RALGPS2: variants seen among roughly 807,000 people sequenced by gnomAD.
RALGPS2 encodes Ral GEF with PH domain and SH3 binding motif 2.
RALGPS2 carries 43 observed loss-of-function variants against 86.8 expected under a neutral mutation model. That is an observed-to-expected ratio of 0.50 (90% CI 0.39 to 0.64). The LOEUF (loss-of-function observed/expected upper bound fraction) is 0.64. Ranked by LOEUF, RALGPS2 falls within the 30% of genes least tolerant of loss-of-function variation. RALGPS2 has a pLI of 0.00. For missense variants in RALGPS2, 536 were observed against 694.6 expected (o/e 0.77, Z 2.57); for synonymous variants, 243 against 231.3 (o/e 1.05, Z -0.46).
intron 19 of RALGPS2, among the ~76,000 whole-genome samples, chr1:178,913,988 C>T (rs1660719555): frequency 6.6e-6 from 1 of 152,198 alleles, no homozygotes; most frequent in Non-Finnish European, 1.5e-5. Context: ...ACTATGGTGA[C>T]AGTCGCCCGC....
intron 8 of RALGPS2, among the ~76,000 whole-genome samples, chr1:178,839,861 T>G (rs936119413): frequency 3.9e-5 from 6 of 152,104 alleles, no homozygotes; most frequent in Non-Finnish European, 7.4e-5. Flanking sequence ...GCGATCCTAG[T>G]CTCTGATAAA....
chr1:178,847,509 C>T (rs892233456), intron 8 of RALGPS2, among the ~76,000 whole-genome samples: 1 of 151,082 alleles, frequency 6.6e-6, no homozygotes, highest in Non-Finnish European at 1.5e-5. Flanking sequence ...TTTTTCAGGG[C>T]GAGGTCATAG....
chr1:178,793,328 A>G (rs1167189562), intron 4 of RALGPS2, among the ~76,000 whole-genome samples: 1 of 151,556 alleles, frequency 6.6e-6, no homozygotes, highest in Admixed American at 6.6e-5. Flanking sequence ...GAAGTGGGTA[A>G]TTTCAGAGTT....
chr1:178,801,252 T>C (rs1213569905), intron 4 of RALGPS2, among the ~76,000 whole-genome samples: 5 of 152,056 alleles, frequency 3.3e-5, no homozygotes, highest in Non-Finnish European at 7.4e-5. Flanking sequence ...TGTGCATATG[T>C]GGGTCTCTTT....
intron 4 of RALGPS2, among the ~76,000 whole-genome samples, chr1:178,801,288 A>G (rs1325310437): frequency 6.6e-6 from 1 of 152,076 alleles, no homozygotes; most frequent in African/African-American, 2.4e-5. Context: ...AAGGTAGCCA[A>G]TAGCTATACT....
chr1:178,812,956 G>A (rs1424643419), intron 6 of RALGPS2, among the ~76,000 whole-genome samples: 3 of 143,152 alleles, frequency 2.1e-5, no homozygotes, highest in African/African-American at 8.0e-5. Flanking sequence ...TTTTGGAGGT[G>A]GTGTTGCGCT....
chr1:178,920,877 C>T lies in RALGPS2; in HGVS notation c.*4518C>T, dbSNP rs1377382114. The stretch of plus-strand genomic sequence containing the variant: ...TTTATTTTTACATTTAAGTAACACT[C>T]AAAACAAACAAGTAGTCACTTAACC... On this transcript the variant is annotated 3_prime_UTR_variant, in exon 20 of 20. Transcript: ENST00000367635. The T allele has an allele frequency of 1.3e-5, 2 of 151,854 alleles. No individual in the cohort carries two copies. The highest frequency in any genetic ancestry group is 2.4e-5 in the African/African-American group (1 of 41,378). The allele number at this position is 151,854 out of a possible 1,614,324, so 9.4% of individuals were successfully genotyped here.
intron 8 of RALGPS2, chr1:178,853,588 A>G: frequency 1.3e-6 from 2 of 1,589,582 alleles, no homozygotes; most frequent in Non-Finnish European, 1.7e-6. Context: ...TGCATCACTG[A>G]TTTACCTTAT....
rs540858165 is a variant in RALGPS2 at position 178,725,293 on chromosome 1, G to A, written c.-210G>A. On this transcript the variant is annotated 5_prime_UTR_variant, in exon 1 of 20. Coordinates refer to ENST00000367635, the MANE Select transcript of RALGPS2 (RefSeq NM_152663.5). ...GCGGCGGCGGCGGCGGCTGCTGCGG[G>A]CGCTGAATGAGAGACGGTGACTGTT... 10 of 170,940 alleles carry A rather than the reference G, an allele frequency of 5.9e-5. No homozygotes were observed. Among genetic ancestry groups the A allele is most frequent in the Non-Finnish European group, 9.6e-5 (8 of 83,586 alleles). 10.6% of individuals were successfully genotyped at this position (170,940 alleles called of 1,614,324 possible). A position where few individuals can be genotyped will look rare whatever the true frequency, so the allele number is the denominator to read the frequency against.
At chr1:178,783,964 A>T (rs972064577) in intron 2 of RALGPS2, among the ~76,000 whole-genome samples, 3 of 152,134 alleles carry the variant, frequency 2.0e-5, no homozygotes, top group African/African-American at 7.2e-5. Flanking sequence ...CTAAGAATGG[A>T]TTATATGTAA....
intron 19 of RALGPS2, among the ~76,000 whole-genome samples, chr1:178,913,447 A>G (rs1299591645): frequency 6.6e-6 from 1 of 152,036 alleles, no homozygotes; most frequent in Non-Finnish European, 1.5e-5. Flanking sequence ...TATCTCACTG[A>G]GCTTCCTTGC....
At chr1:178,772,197 A>G (rs116516781) in intron 1 of RALGPS2, among the ~76,000 whole-genome samples, 4,488 of 152,280 alleles carry the variant, frequency 0.029, 102 homozygotes, top group Middle Eastern at 0.065. Flanking sequence ...GGTTGTTTTC[A>G]TGCTTTAACT....
intron 8 of RALGPS2, among the ~76,000 whole-genome samples, chr1:178,848,588 T>G (rs16853405): frequency 0.1 from 15,688 of 152,210 alleles, 1,854 homozygotes; most frequent in African/African-American, 0.29. Context: ...ATAACAGCTG[T>G]CATGGCTTTG....
chr1:178,843,892 A>G (rs1209196891), intron 8 of RALGPS2, among the ~76,000 whole-genome samples: 2 of 152,192 alleles, frequency 1.3e-5, no homozygotes, highest in Non-Finnish European at 1.5e-5. Flanking sequence ...TTTATGACTC[A>G]GTTTAGTTCG....
chr1:178,849,317 T>C (rs996022691), intron 8 of RALGPS2, among the ~76,000 whole-genome samples: 1 of 152,208 alleles, frequency 6.6e-6, no homozygotes, highest in East Asian at 1.9e-4. Context: ...GCCCAAGTTA[T>C]TATGCTGTCT....
intron 1 of RALGPS2, among the ~76,000 whole-genome samples, chr1:178,773,213 G>A (rs530369913): frequency 6.6e-6 from 1 of 152,286 alleles, no homozygotes; most frequent in South Asian, 2.1e-4. Context: ...GCTGGGCATG[G>A]TGGTGCACAC....
At chr1:178,892,921 C>G (rs1659779667) in intron 15 of RALGPS2, among the ~76,000 whole-genome samples, 1 of 152,050 alleles carries the variant, frequency 6.6e-6, no homozygotes, top group African/African-American at 2.4e-5. Context: ...TACCAAACTT[C>G]AGAAGCAAAC....
chr1:178,900,973 A>G (rs918818270), intron 17 of RALGPS2, among the ~76,000 whole-genome samples: 2 of 152,186 alleles, frequency 1.3e-5, no homozygotes, highest in African/African-American at 2.4e-5. Context: ...AGAAGATCAT[A>G]GTATTCATGT....
chr1:178,808,726 C>CGT (rs1558128864), intron 5 of RALGPS2, among the ~76,000 whole-genome samples: 1 of 152,066 alleles, frequency 6.6e-6, no homozygotes, highest in East Asian at 1.9e-4. Context: ...TTTGCTCATA[C>CGT]GTAGGGTTGT....
Sources: gnomAD v4.1 joint callset for allele counts (sites outside exome capture counted in the v4.1 genomes callset) on GRCh38, gnomAD v4.1.1 for gene constraint, MANE v1.5 for transcripts, NCBI Gene and HGNC (gene_info 2026-07-23, HGNC 2026-07-21) for gene names.